CSGALNACT1: variants seen among roughly 807,000 people sequenced by gnomAD.
The protein encoded by CSGALNACT1 is chondroitin sulfate N-acetylgalactosaminyltransferase 1.
Under a neutral mutation model 51.0 loss-of-function variants are expected in CSGALNACT1, and 52 were observed. The ratio of observed to expected loss-of-function variants is 1.02; its 90% confidence interval spans 0.82 to 1.29. CSGALNACT1 has a LOEUF of 1.29. CSGALNACT1 is among the 50% of genes most tolerant of loss of function. CSGALNACT1 has a pLI of 0.00. For synonymous variants in CSGALNACT1, 341 were observed against 254.4 expected, an observed-to-expected ratio of 1.34 and a Z score of -3.24; for missense variants, 935 against 679.2, an observed-to-expected ratio of 1.38 and a Z score of -4.19.
chr8:19,558,106 A>G (rs2039876130), intron 3 of CSGALNACT1, among the ~76,000 whole-genome samples: 1 of 152,168 alleles, frequency 6.6e-6, no homozygotes, highest in Non-Finnish European at 1.5e-5. Flanking sequence ...TCTCATTCTA[A>G]AATTCTACTA....
chr8:19,494,610 A>C (rs1313148595), intron 4 of CSGALNACT1, among the ~76,000 whole-genome samples: 1 of 152,194 alleles, frequency 6.6e-6, no homozygotes, highest in Non-Finnish European at 1.5e-5. Flanking sequence ...AGTCTTTAAC[A>C]ATCTCGAAGC....
At chr8:19,752,442 T>C (rs534668650) in intron 1 of CSGALNACT1, among the ~76,000 whole-genome samples, 30 of 152,314 alleles carry the variant, frequency 2.0e-4, no homozygotes, top group South Asian at 1.4e-3. Flanking sequence ...TGTTGACCTA[T>C]TGACTGATGC....
intron 1 of CSGALNACT1, among the ~76,000 whole-genome samples, chr8:19,647,693 G>T (rs1315747046): frequency 6.6e-6 from 1 of 152,138 alleles, no homozygotes; most frequent in African/African-American, 2.4e-5. Context: ...TAAAGAAATT[G>T]CAAATATCTT....
intron 4 of CSGALNACT1, among the ~76,000 whole-genome samples, chr8:19,463,850 C>A (rs1563542055): frequency 6.6e-6 from 1 of 152,150 alleles, no homozygotes; most frequent in Admixed American, 6.5e-5. Context: ...GATCTAAGAC[C>A]CCCAACTAGG....
intron 1 of CSGALNACT1, among the ~76,000 whole-genome samples, chr8:19,645,775 T>C (rs1589241197): frequency 6.6e-6 from 1 of 152,166 alleles, no homozygotes; most frequent in South Asian, 2.1e-4. Flanking sequence ...GTGAATGATA[T>C]GGCAGCAGCC....
At chr8:19,729,714 C>G (rs575975024) in intron 1 of CSGALNACT1, among the ~76,000 whole-genome samples, 1 of 152,162 alleles carries the variant, frequency 6.6e-6, no homozygotes, top group Non-Finnish European at 1.5e-5. Flanking sequence ...GGAGAACATG[C>G]TACGAATGCC....
At chr8:19,583,057 T>C (rs1324199928) in intron 3 of CSGALNACT1, among the ~76,000 whole-genome samples, 1 of 152,030 alleles carries the variant, frequency 6.6e-6, no homozygotes, top group African/African-American at 2.4e-5. Context: ...AAAATTCTTT[T>C]TCTTTTTACA....
intron 1 of CSGALNACT1, among the ~76,000 whole-genome samples, chr8:19,735,065 C>T (rs1163336517): frequency 6.6e-6 from 1 of 151,980 alleles, no homozygotes; most frequent in African/African-American, 2.4e-5. Context: ...TATGCTGGGG[C>T]CAGAGTGCCA....
Position 19,406,191 on chromosome 8 carries a change from C to A in CSGALNACT1, c.1310-122G>T, listed in dbSNP as rs142326370. The A allele has an allele frequency of 4.3e-5, 49 of 1,141,294 alleles. No individual in the cohort carries two copies. The African/African-American group carries it at 6.4e-4, about 15-fold the overall frequency. The allele number at this position is 1,141,294 out of a possible 1,614,324, so 70.7% of individuals were successfully genotyped here. A position where few individuals can be genotyped will look rare whatever the true frequency, so the allele number is the denominator to read the frequency against. On this transcript the variant is annotated intron_variant, in intron 9 of 9. Coordinates refer to ENST00000454498, the Ensembl canonical transcript of CSGALNACT1. ...GGGGGGATGCGTGCTTCACCACCAC[C>A]CCTCCAAGGTACGAGAGTGTCCACC...
chr8:19,514,476 T>TAC (rs2079092194), intron 3 of CSGALNACT1, among the ~76,000 whole-genome samples: 1 of 14,376 alleles, frequency 7.0e-5, no homozygotes, highest in Non-Finnish European at 1.2e-4. Context: ...GAACAGAGAC[T>TAC]ATATATATAT....
chr8:19,582,646 TAG>T (rs2045826832), intron 3 of CSGALNACT1, among the ~76,000 whole-genome samples: 1 of 152,138 alleles, frequency 6.6e-6, no homozygotes, highest in Admixed American at 6.6e-5. Flanking sequence ...TGGAAAGACA[TAG>T]AGAGGCATGC....
At chr8:19,609,089 C>T (rs1397995417) in intron 1 of CSGALNACT1, among the ~76,000 whole-genome samples, 1 of 151,762 alleles carries the variant, frequency 6.6e-6, no homozygotes, top group African/African-American at 2.4e-5. Flanking sequence ...CAGAATGAAT[C>T]TTTCACCATG....
At chr8:19,435,813 G>C (rs1482863384) in intron 6 of CSGALNACT1, among the ~76,000 whole-genome samples, 2 of 152,140 alleles carry the variant, frequency 1.3e-5, no homozygotes, top group East Asian at 3.8e-4. Flanking sequence ...TTCTGTCTAT[G>C]TTAGTAGCTT....
At chr8:19,672,030 A>C (rs1332530578) in intron 1 of CSGALNACT1, among the ~76,000 whole-genome samples, 1 of 152,238 alleles carries the variant, frequency 6.6e-6, no homozygotes, top group Non-Finnish European at 1.5e-5. Flanking sequence ...AAAGCAACAT[A>C]AAGTGGTACA....
intron 3 of CSGALNACT1, among the ~76,000 whole-genome samples, chr8:19,552,820 A>C (rs894834205): frequency 1.2e-4 from 19 of 152,312 alleles, no homozygotes; most frequent in South Asian, 8.3e-4. Context: ...ACAGAATGTA[A>C]AGAACTTTTC....
At chr8:19,756,391 C>T (rs1225034994) in intron 1 of CSGALNACT1, among the ~76,000 whole-genome samples, 1 of 152,150 alleles carries the variant, frequency 6.6e-6, no homozygotes, top group East Asian at 1.9e-4. Flanking sequence ...TGAGTATTTC[C>T]CGAGGCTCAC....
In CSGALNACT1 at chr8:19,484,050, C is replaced by T. The variant is rs184193457; in HGVS notation, c.634+21151G>A. Among the ~76,000 whole-genome samples, 4 of 152,294 alleles carry T rather than the reference C, an allele frequency of 2.6e-5. No individual in the cohort carries two copies. In the East Asian group the frequency reaches 5.8e-4, roughly 22 times the overall value. Reference sequence around the variant, plus strand: ...TGCATACCTAGGCAGTGGACACTATCCCCCAAACAGCCCTCCCTCCACCCC... The same window carrying T: ...TGCATACCTAGGCAGTGGACACTATTCCCCAAACAGCCCTCCCTCCACCCC... On this transcript the variant is annotated intron_variant, in intron 4 of 9. Transcript: ENST00000454498.
intron 1 of CSGALNACT1, among the ~76,000 whole-genome samples, chr8:19,744,936 G>A (rs774559228): frequency 3.3e-5 from 5 of 152,060 alleles, no homozygotes; most frequent in Non-Finnish European, 5.9e-5. Context: ...CTATAATTTG[G>A]TCCAAATACA....
intron 6 of CSGALNACT1, among the ~76,000 whole-genome samples, chr8:19,439,242 T>C (rs2060904028): frequency 6.6e-6 from 1 of 152,252 alleles, no homozygotes; most frequent in African/African-American, 2.4e-5. Flanking sequence ...TAGGTATAAA[T>C]GTACAACTGG....
Sources: gnomAD v4.1 joint callset for allele counts (sites outside exome capture counted in the v4.1 genomes callset) on GRCh38, gnomAD v4.1.1 for gene constraint, MANE v1.5 for transcripts, NCBI Gene and HGNC (gene_info 2026-07-23, HGNC 2026-07-21) for gene names.